Variants in VWC2 observed in about 807,000 individuals in gnomAD.
VWC2 encodes the protein von Willebrand factor C domain containing 2.
Under a neutral mutation model 29.8 loss-of-function variants are expected in VWC2, and 14 were observed. That is an observed-to-expected ratio of 0.47 (90% CI 0.31 to 0.74). VWC2 has a LOEUF of 0.74. Ranked by LOEUF, VWC2 falls within the 30% of genes least tolerant of loss-of-function variation. VWC2 has a pLI of 0.05. For synonymous variants in VWC2, 213 were observed against 199.0 expected (o/e 1.07, Z -0.59); for missense variants, 457 against 459.8 (o/e 0.99, Z 0.05).
At chr7:49,818,050 C>T (rs1160414726) in intron 3 of VWC2, among the ~76,000 whole-genome samples, 1 of 152,180 alleles carries the variant, frequency 6.6e-6, no homozygotes, top group Non-Finnish European at 1.5e-5. Flanking sequence ...CAAAAGTATA[C>T]ATTAGACTTT....
At chr7:49,894,159 CT>C (rs1298835245) in intron 3 of VWC2, among the ~76,000 whole-genome samples, 7 of 55,474 alleles carry the variant, frequency 1.3e-4, no homozygotes, top group African/African-American at 5.9e-4. Context: ...TAGGCTTTTT[CT>C]TTTCTTTCTT....
At chr7:49,801,605 G>A (rs2128705751) in intron 2 of VWC2, among the ~76,000 whole-genome samples, 1 of 152,334 alleles carries the variant, frequency 6.6e-6, no homozygotes, top group Admixed American at 6.5e-5. Flanking sequence ...GCCCATGGCT[G>A]GAAAGTAGAG....
At chr7:49,901,896 T>TAACACTGTTTGCTAACACTGTTAGCA (rs1792755040) in intron 3 of VWC2, among the ~76,000 whole-genome samples, 1 of 151,936 alleles carries the variant, frequency 6.6e-6, no homozygotes, top group Admixed American at 6.6e-5. Context: ...CACTGTTAGC[T>TAACACTGTTTGCTAACACTGTTAGCA]AACACTGTTT....
chr7:49,826,792 A>C (rs953572529), intron 3 of VWC2, among the ~76,000 whole-genome samples: 5 of 152,148 alleles, frequency 3.3e-5, no homozygotes, highest in Admixed American at 2.6e-4. Context: ...ATGTTTGAAA[A>C]TATTATCACA....
chr7:49,788,869 T>TGG (rs562390232), intron 2 of VWC2, among the ~76,000 whole-genome samples: 6 of 137,690 alleles, frequency 4.4e-5, no homozygotes, highest in Non-Finnish European at 6.2e-5. Context: ...AGCGTGTGTG[T>TGG]GGGGGGTGTG....
chr7:49,835,721 G>C (rs1789641342), intron 3 of VWC2, among the ~76,000 whole-genome samples: 1 of 152,176 alleles, frequency 6.6e-6, no homozygotes, highest in African/African-American at 2.4e-5. Context: ...GTGCACTTTA[G>C]GGTTTGGCAG....
At chr7:49,787,891 G>T (rs1365391359) in intron 2 of VWC2, among the ~76,000 whole-genome samples, 1 of 152,164 alleles carries the variant, frequency 6.6e-6, no homozygotes, top group East Asian at 1.9e-4. Flanking sequence ...TTGCTTCTAG[G>T]TAACAGCAAG....
intron 3 of VWC2, among the ~76,000 whole-genome samples, chr7:49,836,682 A>C (rs1789672448): frequency 6.7e-6 from 1 of 148,932 alleles, no homozygotes; most frequent in Non-Finnish European, 1.5e-5. Context: ...ATAAATAAAT[A>C]CAAAAAATCT....
chr7:49,828,318 C>T (rs1347898546), intron 3 of VWC2, among the ~76,000 whole-genome samples: 2 of 152,140 alleles, frequency 1.3e-5, no homozygotes, highest in East Asian at 3.9e-4. Context: ...GAATAAAGTG[C>T]TATGAATATT....
intron 3 of VWC2, among the ~76,000 whole-genome samples, chr7:49,824,480 G>T (rs746607379): frequency 5.9e-5 from 9 of 152,040 alleles, no homozygotes; most frequent in Non-Finnish European, 8.8e-5. Flanking sequence ...TAGAATTATT[G>T]TAAACCTTGA....
chr7:49,785,604 CA>C (rs1343881046), intron 2 of VWC2, among the ~76,000 whole-genome samples: 27 of 152,012 alleles, frequency 1.8e-4, no homozygotes, highest in Admixed American at 1.8e-3. Context: ...TGCAGAACAA[CA>C]AAGGCAAAAT....
intron 2 of VWC2, among the ~76,000 whole-genome samples, chr7:49,788,880 A>G (rs1330960152): frequency 9.8e-6 from 1 of 101,528 alleles, no homozygotes; most frequent in Non-Finnish European, 2.1e-5. Context: ...GGGGGGTGTG[A>G]GGGTGTGTGT....
At chr7:49,835,576 T>G (rs1479919005) in intron 3 of VWC2, among the ~76,000 whole-genome samples, 1 of 152,134 alleles carries the variant, frequency 6.6e-6, no homozygotes, top group Non-Finnish European at 1.5e-5. Flanking sequence ...CTGAGGTTTT[T>G]AAAAGGAGGA....
intron 3 of VWC2, among the ~76,000 whole-genome samples, chr7:49,886,476 T>A (rs1791908944): frequency 6.6e-6 from 1 of 152,248 alleles, no homozygotes. Flanking sequence ...TTCATTGGTA[T>A]GCTCTTTTCC....
chr7:49,917,131 T>G lies in VWC2; in HGVS notation c.*4946T>G, dbSNP rs1793765099. 1 of 152,220 alleles carries G rather than the reference T, an allele frequency of 6.6e-6. No individual in the cohort carries two copies. The highest frequency in any genetic ancestry group is 1.5e-5 in the Non-Finnish European group (1 of 68,036). 9.4% of individuals were successfully genotyped at this position (152,220 alleles called of 1,614,324 possible). A position where few individuals can be genotyped will look rare whatever the true frequency, so the allele number is the denominator to read the frequency against. ...TTTCTACATAACATAATTAAACACC[T>G]CAGTAGGTATCTAGTGAACTGATAC... On this transcript the variant is annotated 3_prime_UTR_variant, in exon 4 of 4. Transcript: ENST00000340652.
At chr7:49,844,751 G>A (rs1304850329) in intron 3 of VWC2, among the ~76,000 whole-genome samples, 1 of 152,060 alleles carries the variant, frequency 6.6e-6, no homozygotes, top group African/African-American at 2.4e-5. Context: ...GGAGTGCAAT[G>A]GCACGATCTC....
chr7:49,865,678 A>G (rs1790855112), intron 3 of VWC2, among the ~76,000 whole-genome samples: 1 of 152,216 alleles, frequency 6.6e-6, no homozygotes, highest in Admixed American at 6.5e-5. Context: ...AGCAAGTCAC[A>G]TGTCAAGTGA....
rs1193171133 is a variant in VWC2, at chr7:49,901,837, A to AT, written c.827-10196dup. 2.1e-5 allele frequency among the ~76,000 whole-genome samples: 3 copies of AT among 142,950 alleles called. No homozygotes were observed. The Admixed American group carries it at 2.3e-4, about 11-fold the overall frequency. The allele number at this position is 142,950 out of a possible 152,430, so 93.8% of individuals were successfully genotyped here. The stretch of plus-strand genomic sequence containing the variant: ...TAGACACATTGATCAATGGAACAGA[A>AT]TAGAGAGCCCAGAAATAGACTCAGA... On this transcript the variant is annotated intron_variant, in intron 3 of 3. Coordinates refer to ENST00000340652, the MANE Select transcript of VWC2 (RefSeq NM_198570.5).
intron 3 of VWC2, among the ~76,000 whole-genome samples, chr7:49,890,928 A>AG (rs1259757147): frequency 7.9e-5 from 12 of 152,152 alleles, no homozygotes; most frequent in Non-Finnish European, 8.8e-5. Flanking sequence ...AGGCATAAAA[A>AG]AAAGGTCCTT....
Sources: gnomAD v4.1 joint callset for allele counts (sites outside exome capture counted in the v4.1 genomes callset) on GRCh38, gnomAD v4.1.1 for gene constraint, MANE v1.5 for transcripts, NCBI Gene and HGNC (gene_info 2026-07-23, HGNC 2026-07-21) for gene names.